ACTL8: variants seen among roughly 807,000 people sequenced by gnomAD.
The protein encoded by ACTL8 is actin-like protein 8.
ACTL8 carries 3 observed loss-of-function variants against 9.3 expected under a neutral mutation model. That is an observed-to-expected ratio of 0.32 (90% CI 0.15 to 0.83). ACTL8 has a LOEUF of 0.83. Ranked by LOEUF, ACTL8 falls within the 40% of genes least tolerant of loss-of-function variation. The pLI, the probability that ACTL8 is intolerant of heterozygous loss-of-function variation, is 0.57. For synonymous variants in ACTL8, 224 were observed against 205.9 expected (o/e 1.09, Z -0.75); for missense variants, 381 against 492.2 (o/e 0.77, Z 2.14).
intron 1 of ACTL8, among the ~76,000 whole-genome samples, chr1:17,793,304 G>T (rs1427802507): frequency 6.6e-6 from 1 of 152,188 alleles, no homozygotes; most frequent in African/African-American, 2.4e-5. Context: ...TCTTACTCTT[G>T]CATATGTGGA....
intron 1 of ACTL8, among the ~76,000 whole-genome samples, chr1:17,803,835 A>T (rs2066340006): frequency 1.3e-5 from 2 of 152,208 alleles, no homozygotes; most frequent in African/African-American, 4.8e-5. Flanking sequence ...CTTTTGAGCC[A>T]GCAAGACTTG....
intron 1 of ACTL8, among the ~76,000 whole-genome samples, chr1:17,759,781 T>A (rs1176645842): frequency 6.6e-6 from 1 of 152,172 alleles, no homozygotes; most frequent in East Asian, 1.9e-4. Flanking sequence ...CTTGATACTC[T>A]AGCTCAGCAC....
chr1:17,815,137 G>A (rs988143584), intron 1 of ACTL8, among the ~76,000 whole-genome samples: 47 of 152,300 alleles, frequency 3.1e-4, no homozygotes, highest in African/African-American at 1.0e-3. Flanking sequence ...GGAGCAAATG[G>A]CTATACCATA....
chr1:17,767,800 G>A lies in ACTL8; in HGVS notation c.-25+12296G>A, dbSNP rs77749160. ...AGACAATGTCCCTGCTTGGCTTCTC[G>A]GCTCAGTCTGATGCCGTGACTGCTG... On this transcript the variant is annotated intron_variant, in intron 1 of 2. Coordinates refer to ENST00000375406, the MANE Select transcript of ACTL8 (RefSeq NM_030812.3). The surrounding 1 kb of genome is among the most constrained non-coding windows in gnomAD (Gnocchi z 4.7). Among the ~76,000 whole-genome samples the A allele has an allele frequency of 0.015, 2,257 of 152,088 alleles. 50 individuals are homozygous for A. Among genetic ancestry groups the A allele is most frequent in the African/African-American group, 0.047 (1,955 of 41,464 alleles).
chr1:17,811,676 C>T (rs1054683508), intron 1 of ACTL8, among the ~76,000 whole-genome samples: 9 of 152,120 alleles, frequency 5.9e-5, no homozygotes, highest in East Asian at 1.9e-4. Context: ...TATTTTTACA[C>T]GGAGAAGTCC....
intron 1 of ACTL8, among the ~76,000 whole-genome samples, chr1:17,803,544 C>T (rs1238227158): frequency 6.6e-6 from 1 of 152,164 alleles, no homozygotes; most frequent in African/African-American, 2.4e-5. Flanking sequence ...TTGGCCAGGC[C>T]TGTCTCAAAC....
chr1:17,821,126 T>TA (rs572201746), intron 1 of ACTL8, among the ~76,000 whole-genome samples: 108 of 147,902 alleles, frequency 7.3e-4, no homozygotes, highest in Non-Finnish European at 6.8e-4. Flanking sequence ...TTTTGCCCAT[T>TA]AAAAAAAAAA....
At chr1:17,808,792 G>A (rs2066375844) in intron 1 of ACTL8, among the ~76,000 whole-genome samples, 1 of 151,778 alleles carries the variant, frequency 6.6e-6, no homozygotes, top group Admixed American at 6.6e-5. Flanking sequence ...TGAGAGGTGT[G>A]ATGGAAGTGA....
At chr1:17,816,694 C>G (rs557963505) in intron 1 of ACTL8, among the ~76,000 whole-genome samples, 27 of 152,242 alleles carry the variant, frequency 1.8e-4, no homozygotes, top group African/African-American at 6.0e-4. Context: ...AGTACAAAGG[C>G]CTGTGCTCTA....
chr1:17,805,711 A>G (rs915968410), intron 1 of ACTL8, among the ~76,000 whole-genome samples: 1 of 152,206 alleles, frequency 6.6e-6, no homozygotes, highest in Non-Finnish European at 1.5e-5. Flanking sequence ...ACATACAGAC[A>G]TGCATACACA....
intron 1 of ACTL8, among the ~76,000 whole-genome samples, chr1:17,763,327 T>C (rs1381841801): frequency 6.6e-6 from 1 of 151,902 alleles, no homozygotes; most frequent in Non-Finnish European, 1.5e-5. Flanking sequence ...CTGACCTCGC[T>C]TTCAGACCGT....
intron 1 of ACTL8, among the ~76,000 whole-genome samples, chr1:17,758,612 A>C (rs260522): frequency 9.2e-5 from 14 of 152,014 alleles, no homozygotes; most frequent in Non-Finnish European, 1.5e-5. Context: ...CCAAAATAAT[A>C]GGGAAATGGA....
At chr1:17,772,419 C>T (rs775172693) in intron 1 of ACTL8, among the ~76,000 whole-genome samples, 5 of 152,074 alleles carry the variant, frequency 3.3e-5, no homozygotes, top group Non-Finnish European at 7.4e-5. Flanking sequence ...TTGATCCTCT[C>T]CTAAAGTCGG....
chr1:17,803,149 G>T (rs113168844), intron 1 of ACTL8, among the ~76,000 whole-genome samples: 1 of 151,946 alleles, frequency 6.6e-6, no homozygotes, highest in Non-Finnish European at 1.5e-5. Context: ...TGCTATTCTC[G>T]TAATAGTGAG....
chr1:17,757,806 G>T (rs1439009689), intron 1 of ACTL8, among the ~76,000 whole-genome samples: 1 of 152,146 alleles, frequency 6.6e-6, no homozygotes, highest in Non-Finnish European at 1.5e-5. Context: ...GCATTGATAC[G>T]GGCACACTCA....
intron 1 of ACTL8, among the ~76,000 whole-genome samples, chr1:17,781,252 T>A (rs949135266): frequency 6.6e-6 from 1 of 151,320 alleles, no homozygotes; most frequent in Non-Finnish European, 1.5e-5. Context: ...TTTTTTTTTT[T>A]TTAATGGAGA....
intron 1 of ACTL8, among the ~76,000 whole-genome samples, chr1:17,803,843 T>G (rs1259331557): frequency 1.3e-5 from 2 of 152,312 alleles, no homozygotes; most frequent in South Asian, 2.1e-4. Context: ...CCAGCAAGAC[T>G]TGGTTCATAT....
At chr1:17,817,188 CA>C (rs2066431581) in intron 1 of ACTL8, among the ~76,000 whole-genome samples, 1 of 143,738 alleles carries the variant, frequency 7.0e-6, no homozygotes, top group African/African-American at 2.6e-5. Context: ...ACCTTAATGC[CA>C]TTTTTTTTTT....
In ACTL8 at chr1:17,761,076, G is replaced by C. The variant is rs142291817; in HGVS notation, c.-25+5572G>C. 5.3e-5 allele frequency among the ~76,000 whole-genome samples: 8 copies of C among 152,118 alleles called. No homozygotes were observed. The East Asian group carries it at 1.6e-3, about 29-fold the overall frequency. The stretch of plus-strand genomic sequence containing the variant: ...TGGTGGGGGTGGGTGCTTCACTGCA[G>C]AGGGAGGAAAGAGGAGCTACCCTAT... On this transcript the variant is annotated intron_variant, in intron 1 of 2. Transcript: ENST00000375406.
Sources: allele counts gnomAD v4.1 joint callset (sites outside exome capture counted in the v4.1 genomes callset), GRCh38; gene constraint gnomAD v4.1.1; non-coding constraint Gnocchi (gnomAD v3.1); transcripts MANE v1.5; gene names NCBI Gene and HGNC (gene_info 2026-07-23, HGNC 2026-07-21).